TNFSF4: variants seen among roughly 807,000 people sequenced by gnomAD.
The protein encoded by TNFSF4 is TNF superfamily member 4.
A neutral mutation model predicts 7.3 loss-of-function variants in TNFSF4; 4 were observed. The observed-to-expected ratio is 0.55, with a 90% CI of 0.27 to 1.25. The LOEUF is 1.25. Among genes scored for constraint, TNFSF4 ranks in the 50% most tolerant of loss-of-function variants. The pLI is 0.12. For missense variants in TNFSF4, 181 were observed against 208.8 expected, an observed-to-expected ratio of 0.87 and a Z score of 0.82; for synonymous variants, 76 against 83.7, an observed-to-expected ratio of 0.91 and a Z score of 0.50.
the TNFSF4 span, among the ~76,000 whole-genome samples, chr1:173,333,061 G>A: frequency 6.6e-6 from 1 of 152,156 alleles, no homozygotes; most frequent in Non-Finnish European, 1.5e-5. Context: ...ATCACGCAGT[G>A]GCCAGGATAA....
the TNFSF4 span, among the ~76,000 whole-genome samples, chr1:173,235,270 T>C: frequency 3.3e-5 from 5 of 152,162 alleles, no homozygotes; most frequent in Non-Finnish European, 5.9e-5. Context: ...CGTGGACACA[T>C]TGAAAGGTGG....
the TNFSF4 span, among the ~76,000 whole-genome samples, chr1:173,249,215 C>A: frequency 6.6e-6 from 1 of 152,086 alleles, no homozygotes; most frequent in Non-Finnish European, 1.5e-5. Flanking sequence ...AGAGAGTGAG[C>A]AGGTTTGCAG....
chr1:173,187,366 C>T (rs1327317855), intron 2 of TNFSF4, among the ~76,000 whole-genome samples: 1 of 152,190 alleles, frequency 6.6e-6, no homozygotes, highest in African/African-American at 2.4e-5. Context: ...ATGCCTTAGC[C>T]CTGCACACTA....
chr1:173,407,414 G>A, the TNFSF4 span, among the ~76,000 whole-genome samples: 126 of 151,972 alleles, frequency 8.3e-4, no homozygotes, highest in African/African-American at 3.0e-3. Context: ...ATAAAAATTT[G>A]TCGGGTGTGG....
chr1:173,216,753 T>TA, the TNFSF4 span, among the ~76,000 whole-genome samples: 1 of 152,060 alleles, frequency 6.6e-6, no homozygotes, highest in South Asian at 2.1e-4. Context: ...ATCTCACACA[T>TA]ACACAAACAC....
chr1:173,337,252 G>C, the TNFSF4 span, among the ~76,000 whole-genome samples: 1 of 152,120 alleles, frequency 6.6e-6, no homozygotes, highest in Admixed American at 6.5e-5. Flanking sequence ...CCTGCTACTG[G>C]CCTTAACAGA....
chr1:173,368,148 AC>A, the TNFSF4 span, among the ~76,000 whole-genome samples: 4 of 152,250 alleles, frequency 2.6e-5, no homozygotes, highest in African/African-American at 4.8e-5. Context: ...AAAATGGAAC[AC>A]GCGAGGGGAC....
the TNFSF4 span, among the ~76,000 whole-genome samples, chr1:173,272,736 C>T: frequency 6.6e-6 from 1 of 152,108 alleles, no homozygotes; most frequent in Non-Finnish European, 1.5e-5. Context: ...TTGCCACGAC[C>T]TTTGCTCTTG....
the TNFSF4 span, among the ~76,000 whole-genome samples, chr1:173,414,299 GTGTGTGCACAGAGGA>G: frequency 6.6e-6 from 1 of 152,082 alleles, no homozygotes; most frequent in Non-Finnish European, 1.5e-5. Flanking sequence ...CCTTTCCTCT[GTGTGTGCACAGAGGA>G]AAAGATCTCT....
chr1:173,378,215 G>C, the TNFSF4 span, among the ~76,000 whole-genome samples: 3 of 152,180 alleles, frequency 2.0e-5, no homozygotes, highest in African/African-American at 7.2e-5. Context: ...AGGGACCGTT[G>C]CGGGTTCTTC....
chr1:173,249,425 A>G, the TNFSF4 span, among the ~76,000 whole-genome samples: 1 of 152,244 alleles, frequency 6.6e-6, no homozygotes, highest in East Asian at 1.9e-4. Flanking sequence ...TTCAATTTCT[A>G]CAATATCATA....
At chr1:173,350,558 G>A in the TNFSF4 span, among the ~76,000 whole-genome samples, 7 of 152,168 alleles carry the variant, frequency 4.6e-5, no homozygotes, top group South Asian at 2.1e-4. Flanking sequence ...GCCAAGCTAC[G>A]CAGGAACACC....
At chr1:173,244,368 C>T in the TNFSF4 span, among the ~76,000 whole-genome samples, 2 of 152,102 alleles carry the variant, frequency 1.3e-5, no homozygotes, top group African/African-American at 4.8e-5. Flanking sequence ...CCCGGCCGGG[C>T]GCGGTGGCTC....
chr1:173,175,148 C>A, the TNFSF4 span: 2 of 152,136 alleles, frequency 1.3e-5, no homozygotes, highest in African/African-American at 4.8e-5. Flanking sequence ...TCAAAACAAT[C>A]CTATGAGATA....
the TNFSF4 span, among the ~76,000 whole-genome samples, chr1:173,244,653 A>C: frequency 7.0e-6 from 1 of 142,264 alleles, no homozygotes; most frequent in Non-Finnish European, 1.5e-5. Context: ...AAAAAAAACA[A>C]AAAACAAAAA....
chr1:173,182,383 C>A (rs1193052933), downstream of TNFSF4, among the ~76,000 whole-genome samples: 1 of 152,024 alleles, frequency 6.6e-6, no homozygotes, highest in Non-Finnish European at 1.5e-5. Context: ...GTAGAAGAGC[C>A]CATTACATCC....
the TNFSF4 span, among the ~76,000 whole-genome samples, chr1:173,250,462 TG>T: frequency 6.7e-6 from 1 of 148,666 alleles, no homozygotes; most frequent in African/African-American, 2.4e-5. Flanking sequence ...TTTGTTTTTT[TG>T]TTTTTTTTTT....
At chr1:173,183,456 TTC>T (rs887484845), downstream of TNFSF4, among the ~76,000 whole-genome samples, 1 of 152,010 alleles carries the variant, frequency 6.6e-6, no homozygotes, top group Non-Finnish European at 1.5e-5. Context: ...AGAAATAAGG[TTC>T]TGAGGAAAGG....
the TNFSF4 span, among the ~76,000 whole-genome samples, chr1:173,368,609 T>C: frequency 1.3e-5 from 2 of 152,090 alleles, no homozygotes; most frequent in South Asian, 4.1e-4. Flanking sequence ...GTTGGGAGCG[T>C]TGGTTTTCCT....
Sources: allele counts gnomAD v4.1 joint callset (sites outside exome capture counted in the v4.1 genomes callset), GRCh38; gene constraint gnomAD v4.1.1; transcripts MANE v1.5; gene names NCBI Gene and HGNC (gene_info 2026-07-23, HGNC 2026-07-21).